KLHL8: variants seen among roughly 807,000 people sequenced by gnomAD.
KLHL8 encodes kelch-like protein 8.
KLHL8 carries 38 observed loss-of-function variants against 63.5 expected under a neutral mutation model. That is an observed-to-expected ratio of 0.60 (90% CI 0.46 to 0.78). The LOEUF (loss-of-function observed/expected upper bound fraction) is 0.78, where lower values mean the gene tolerates loss of function less well. KLHL8 is among the 30% of genes least tolerant of loss of function. The pLI is 0.00. For synonymous variants in KLHL8, 224 were observed against 254.3 expected, an observed-to-expected ratio of 0.88 and a Z score of 1.13; for missense variants, 566 against 752.4, an observed-to-expected ratio of 0.75 and a Z score of 2.90.
chr4:87,166,258 A>G (rs1453752173), intron 8 of KLHL8, among the ~76,000 whole-genome samples: 2 of 152,250 alleles, frequency 1.3e-5, no homozygotes, highest in African/African-American at 4.8e-5. Flanking sequence ...TTTAATACAC[A>G]TGAGCACTGA....
At chr4:87,226,306 T>G (rs938822273) in intron 1 of KLHL8, among the ~76,000 whole-genome samples, 5 of 151,990 alleles carry the variant, frequency 3.3e-5, no homozygotes, top group African/African-American at 1.2e-4. Context: ...CTCACGCCTG[T>G]AATCCCAGCA....
chr4:87,222,866 G>A (rs1172962639), upstream of KLHL8, among the ~76,000 whole-genome samples: 2 of 151,180 alleles, frequency 1.3e-5, no homozygotes, highest in African/African-American at 4.9e-5. Context: ...TTACAGGCAT[G>A]AGCCACCACG....
chr4:87,235,250 T>A (rs1413838251), intron 1 of KLHL8, among the ~76,000 whole-genome samples: 1 of 152,190 alleles, frequency 6.6e-6, no homozygotes, highest in Non-Finnish European at 1.5e-5. Context: ...TGAGGGTAAG[T>A]GCCCTATACA....
chr4:87,185,751 T>C lies in KLHL8; in HGVS notation c.265A>G (p.Ile89Val). 6.2e-7 allele frequency: 1 copy of C among 1,606,950 alleles called. No individual in the cohort carries two copies. The highest frequency in any genetic ancestry group is 8.5e-7 in the Non-Finnish European group (1 of 1,177,572). ...SCHKLVLACV[I>V]PYFRAMFLSE... ...AGAAACATGGCTCTAAAGTAGGGAA[T>C]AACACAAGCCAATACCAGCTTGTGA... Residue 89 changes from isoleucine (I) to valine (V), a missense_variant, in exon 3 of 10, where the codon ATT becomes GTT. By Grantham distance (29) the Ile-to-Val change is conservative. Coordinates refer to ENST00000273963, the MANE Select transcript of KLHL8 (RefSeq NM_020803.5).
intron 1 of KLHL8, among the ~76,000 whole-genome samples, chr4:87,226,266 T>G (rs1732972429): frequency 2.0e-5 from 3 of 152,046 alleles, no homozygotes; most frequent in Admixed American, 6.6e-5. Flanking sequence ...TTCATTAAGA[T>G]ATAGCTCTAT....
At chr4:87,186,972 G>T (rs1222344998) in intron 2 of KLHL8, among the ~76,000 whole-genome samples, 6 of 132,794 alleles carry the variant, frequency 4.5e-5, no homozygotes, top group Admixed American at 3.7e-4. Context: ...TCACATAAAA[G>T]CAGTAAAAAA....
rs549605664 is a variant in KLHL8 at position 87,216,712 on chromosome 4, A to G, written c.-152+3706T>C. Reference sequence around the variant, plus strand: ...CAACTAAATCATTCATAACCAAACCAAACAATATACTTTCTTGCATGACCA... The same window carrying G: ...CAACTAAATCATTCATAACCAAACCGAACAATATACTTTCTTGCATGACCA... On this transcript the variant is annotated intron_variant, in intron 1 of 9. Coordinates refer to ENST00000273963, the MANE Select transcript of KLHL8 (RefSeq NM_020803.5). 2.1e-4 allele frequency among the ~76,000 whole-genome samples: 32 copies of G among 152,268 alleles called. No homozygotes were observed. In the South Asian group the frequency reaches 4.4e-3, roughly 21 times the overall value.
chr4:87,201,333 T>C (rs558308808), intron 1 of KLHL8, among the ~76,000 whole-genome samples: 1 of 152,322 alleles, frequency 6.6e-6, no homozygotes, highest in East Asian at 1.9e-4. Context: ...AGACATAGTA[T>C]AGTCTAAATG....
chr4:87,203,313 G>A (rs1245825695), intron 1 of KLHL8, among the ~76,000 whole-genome samples: 2 of 151,944 alleles, frequency 1.3e-5, no homozygotes, highest in Admixed American at 6.6e-5. Context: ...CGAGATGGGC[G>A]GTTCACAAGG....
chr4:87,213,924 G>A (rs1051569796), intron 1 of KLHL8, among the ~76,000 whole-genome samples: 5 of 152,076 alleles, frequency 3.3e-5, no homozygotes, highest in Admixed American at 2.0e-4. Context: ...GTGCAGCCTC[G>A]GGCAAGTTAC....
chr4:87,164,777 G>A (rs1730309614), intron 8 of KLHL8, among the ~76,000 whole-genome samples: 1 of 152,072 alleles, frequency 6.6e-6, no homozygotes, highest in African/African-American at 2.4e-5. Context: ...AAGTCTAAAT[G>A]AATATAATAG....
At chr4:87,183,630 C>G (rs938818097) in intron 3 of KLHL8, among the ~76,000 whole-genome samples, 1 of 152,112 alleles carries the variant, frequency 6.6e-6, no homozygotes. Flanking sequence ...TCAGACTACA[C>G]GTTAAATTAT....
At chr4:87,229,588 T>C (rs1267105416) in intron 1 of KLHL8, among the ~76,000 whole-genome samples, 1 of 145,672 alleles carries the variant, frequency 6.9e-6, no homozygotes, top group Non-Finnish European at 1.5e-5. Context: ...CATGCCATCA[T>C]GCATGGCTAA....
intron 8 of KLHL8, among the ~76,000 whole-genome samples, chr4:87,164,942 A>G (rs537279220): frequency 6.6e-5 from 10 of 152,098 alleles, no homozygotes; most frequent in Admixed American, 2.6e-4. Flanking sequence ...AGGTCAGGAG[A>G]TCGAGACCAT....
intron 3 of KLHL8, among the ~76,000 whole-genome samples, chr4:87,184,842 T>C (rs1251552523): frequency 6.6e-6 from 1 of 152,088 alleles, no homozygotes; most frequent in East Asian, 1.9e-4. Context: ...AATAAATCTA[T>C]CCACATTAGG....
chr4:87,219,288 G>A (rs1732725584), intron 1 of KLHL8, among the ~76,000 whole-genome samples: 1 of 152,208 alleles, frequency 6.6e-6, no homozygotes, highest in African/African-American at 2.4e-5. Flanking sequence ...GAGTACCGCA[G>A]GGCCAGAACA....
At chr4:87,236,362 C>G (rs1733228005) in intron 1 of KLHL8, among the ~76,000 whole-genome samples, 1 of 152,088 alleles carries the variant, frequency 6.6e-6, no homozygotes, top group Admixed American at 6.5e-5. Flanking sequence ...GGGCGCACCA[C>G]CATGCCCGGC....
intron 1 of KLHL8, among the ~76,000 whole-genome samples, chr4:87,218,521 C>T (rs1316951454): frequency 6.6e-6 from 1 of 151,900 alleles, no homozygotes; most frequent in Non-Finnish European, 1.5e-5. Flanking sequence ...CCGGCCCTAA[C>T]TTTCTTCTTA....
chr4:87,190,045 A>G (rs977732211), intron 2 of KLHL8, among the ~76,000 whole-genome samples: 5 of 151,556 alleles, frequency 3.3e-5, no homozygotes, highest in African/African-American at 1.2e-4. Context: ...AAAAAAAAAA[A>G]AAAAAAAAGA....
Sources: gnomAD v4.1 joint callset for allele counts (sites outside exome capture counted in the v4.1 genomes callset) on GRCh38, gnomAD v4.1.1 for gene constraint, MANE v1.5 for transcripts, NCBI Gene and HGNC (gene_info 2026-07-23, HGNC 2026-07-21) for gene names.